The following RPTOR variants were observed in gnomAD, a reference collection of about 807,000 sequenced individuals.
The protein encoded by RPTOR is regulatory associated protein of MTOR complex 1.
Under a neutral mutation model 169.9 loss-of-function variants are expected in RPTOR, and 21 were observed. The ratio of observed to expected loss-of-function variants is 0.12; its 90% CI spans 0.09 to 0.18. The LOEUF is 0.18. Ranked by LOEUF, RPTOR falls within the 10% of genes least tolerant of loss-of-function variation. The pLI is 1.00. For missense variants in RPTOR, 1,133 were observed against 1,855.9 expected (o/e 0.61, Z 7.16); for synonymous variants, 732 against 753.2 (o/e 0.97, Z 0.46).
intron 6 of RPTOR, among the ~76,000 whole-genome samples, chr17:80,757,573 A>T (rs1194360404): frequency 6.6e-6 from 1 of 152,182 alleles, no homozygotes; most frequent in African/African-American, 2.4e-5. Flanking sequence ...TGGGTAATTT[A>T]AAATGACAAT....
At chr17:80,880,165 A>G (rs897453333) in intron 13 of RPTOR, among the ~76,000 whole-genome samples, 5 of 152,108 alleles carry the variant, frequency 3.3e-5, no homozygotes, top group Non-Finnish European at 7.4e-5. Context: ...AGGTGCCCGG[A>G]CGTTGTGAAA....
At chr17:80,843,037 C>G (rs1210827030) in intron 10 of RPTOR, among the ~76,000 whole-genome samples, 1 of 152,192 alleles carries the variant, frequency 6.6e-6, no homozygotes, top group East Asian at 1.9e-4. Context: ...GACTAAGTCC[C>G]ACAACTTCGT....
At chr17:80,909,595 C>T (rs888162006) in intron 21 of RPTOR, 2 of 152,176 alleles carry the variant, frequency 1.3e-5, no homozygotes, top group African/African-American at 4.8e-5. Context: ...TCTCTAACTC[C>T]TCAGTTCAAG....
At chr17:80,634,630 ACTGTGTGTGTGCATACTGTATGTG>A in intron 2 of RPTOR, among the ~76,000 whole-genome samples, 1 of 38,148 alleles carries the variant, frequency 2.6e-5, no homozygotes, top group African/African-American at 9.7e-5. Flanking sequence ...GCGTGTGCGT[ACTGTGTGTGTGCATACTGTATGTG>A]CGTACTGTGT....
chr17:80,929,543 C>T (rs2068850232), intron 24 of RPTOR, among the ~76,000 whole-genome samples: 1 of 152,274 alleles, frequency 6.6e-6, no homozygotes, highest in Admixed American at 6.5e-5. Context: ...GTTTATTTCA[C>T]ACAGCCCTTA....
rs370013508 is a variant in RPTOR, at chr17:80,954,922, A to AAAAG, written c.3371-2682_3371-2679dup. On this transcript the variant is annotated intron_variant, in intron 28 of 33. Transcript: ENST00000306801. ...AAAGTGTGAGACTACATCTCAAAAA[A>AAAAG]AAAGAAAGAAAGAAAGAAAGAAATC... 4.1e-4 allele frequency among the ~76,000 whole-genome samples: 63 copies of AAAAG among 152,334 alleles called. 1 individual carries two copies. In the South Asian group the frequency reaches 8.3e-3, roughly 20 times the overall value.
intron 5 of RPTOR, among the ~76,000 whole-genome samples, chr17:80,742,537 C>T (rs995688691): frequency 2.0e-5 from 3 of 151,838 alleles, no homozygotes; most frequent in South Asian, 2.1e-4. Flanking sequence ...CACATGTACA[C>T]GTATACTCAC....
chr17:80,830,130 G>T (rs1393632607), intron 9 of RPTOR, among the ~76,000 whole-genome samples: 1 of 152,228 alleles, frequency 6.6e-6, no homozygotes, highest in Non-Finnish European at 1.5e-5. Flanking sequence ...AGCCGGGACA[G>T]CAGGTCCCAC....
intron 7 of RPTOR, among the ~76,000 whole-genome samples, chr17:80,796,800 A>G (rs2067105872): frequency 6.6e-6 from 1 of 152,264 alleles, no homozygotes; most frequent in Non-Finnish European, 1.5e-5. Context: ...CAGCACTCAC[A>G]GGGTGAACTC....
intron 2 of RPTOR, among the ~76,000 whole-genome samples, chr17:80,630,680 G>C (rs2065435194): frequency 6.6e-6 from 1 of 152,234 alleles, no homozygotes; most frequent in South Asian, 2.1e-4. Context: ...GTGTTTGATT[G>C]AATTGCTGAG....
chr17:80,552,738 T>C (rs2143215596), intron 1 of RPTOR, among the ~76,000 whole-genome samples: 1 of 152,360 alleles, frequency 6.6e-6, no homozygotes, highest in Non-Finnish European at 1.5e-5. Context: ...TTGAATGGCT[T>C]ACCTAAAGTT....
chr17:80,873,270 C>T (rs576791738), intron 13 of RPTOR, among the ~76,000 whole-genome samples: 1 of 152,248 alleles, frequency 6.6e-6, no homozygotes, highest in African/African-American at 2.4e-5. Context: ...CTACTCACCG[C>T]AGACAGAGCA....
chr17:80,584,827 G>A (rs896862244), intron 1 of RPTOR, among the ~76,000 whole-genome samples: 1 of 152,232 alleles, frequency 6.6e-6, no homozygotes, highest in Non-Finnish European at 1.5e-5. Context: ...AATCGAGGCT[G>A]TGGTAGCTGG....
At chr17:80,631,897 C>G (rs1425567854) in intron 2 of RPTOR, among the ~76,000 whole-genome samples, 2 of 152,160 alleles carry the variant, frequency 1.3e-5, no homozygotes, top group Non-Finnish European at 2.9e-5. Context: ...TATGATTGTG[C>G]CAGTGCATTC....
chr17:80,693,097 T>C (rs1172161072), intron 3 of RPTOR, among the ~76,000 whole-genome samples: 1 of 152,244 alleles, frequency 6.6e-6, no homozygotes, highest in African/African-American at 2.4e-5. Context: ...CGTGTCCTCA[T>C]TGGAATCAAA....
At chr17:80,654,646 C>T (rs1295334084) in intron 3 of RPTOR, among the ~76,000 whole-genome samples, 2 of 152,208 alleles carry the variant, frequency 1.3e-5, no homozygotes, top group Non-Finnish European at 2.9e-5. Context: ...GCTCCTTAAT[C>T]AACATGCTGC....
intron 2 of RPTOR, among the ~76,000 whole-genome samples, chr17:80,635,682 G>A (rs2065500544): frequency 6.6e-6 from 1 of 152,172 alleles, no homozygotes. Flanking sequence ...AGGGCCCTGA[G>A]GGTGCAGAGA....
At chr17:80,870,189 A>G (rs1371318733) in intron 13 of RPTOR, among the ~76,000 whole-genome samples, 11 of 152,192 alleles carry the variant, frequency 7.2e-5, no homozygotes, top group Admixed American at 7.2e-4. Context: ...ACCACCAGGG[A>G]ACTCCAAGAG....
In RPTOR at chr17:80,949,520, C is replaced by T; in HGVS notation, c.3343C>T (p.Leu1115Phe). Residue 1115 changes from leucine to phenylalanine, a missense_variant, in exon 28 of 34, where the codon CTC (leucine) becomes TTC (phenylalanine). Physicochemically the swap from Leu to Phe is conservative, Grantham distance 22. Transcript: ENST00000306801. ...NPEMVTAWQG[L>F]SDMLPTTRGA... ...AGAGATGGTGACCGCGTGGCAGGGGCTCTCGGACATGCTGCCAACGACGCG... is the reference window on the plus strand; with the variant it reads ...AGAGATGGTGACCGCGTGGCAGGGGTTCTCGGACATGCTGCCAACGACGCG... 1 of 1,614,084 alleles carries T rather than the reference C, an allele frequency of 6.2e-7. No individual in the cohort carries two copies. Among genetic ancestry groups the T allele is most frequent in the Non-Finnish European group, 8.5e-7 (1 of 1,180,018 alleles).
Sources: allele counts gnomAD v4.1 joint callset (sites outside exome capture counted in the v4.1 genomes callset), GRCh38; gene constraint gnomAD v4.1.1; transcripts MANE v1.5; gene names NCBI Gene and HGNC (gene_info 2026-07-23, HGNC 2026-07-21).